Variants in CDH18 observed in about 807,000 individuals in gnomAD.
The protein encoded by CDH18 is cadherin-18.
Under a neutral mutation model 67.9 loss-of-function variants are expected in CDH18, and 31 were observed. The observed-to-expected ratio is 0.46, with a 90% confidence interval of 0.34 to 0.62. The LOEUF is 0.62. Ranked by LOEUF, CDH18 falls within the 20% of genes least tolerant of loss-of-function variation. The probability of loss-of-function intolerance (pLI) is 0.01; values close to 1 mark genes in which losing one functional copy is unlikely to be tolerated. For synonymous variants in CDH18, 362 were observed against 347.2 expected (o/e 1.04, Z -0.48); for missense variants, 890 against 975.5 (o/e 0.91, Z 1.17).
At chr5:19,998,532 G>T (rs962832672) in intron 2 of CDH18, among the ~76,000 whole-genome samples, 9 of 152,044 alleles carry the variant, frequency 5.9e-5, no homozygotes, top group South Asian at 4.1e-4. Context: ...TTGTCCTGTT[G>T]GTTGTTTCAT....
chr5:20,118,792 G>A (rs1240094198), intron 2 of CDH18, among the ~76,000 whole-genome samples: 3 of 152,102 alleles, frequency 2.0e-5, no homozygotes, highest in Non-Finnish European at 4.4e-5. Context: ...GCAAATGTCT[G>A]TACAATCCCA....
intron 2 of CDH18, among the ~76,000 whole-genome samples, chr5:20,239,646 C>T (rs1191218674): frequency 6.6e-6 from 1 of 152,052 alleles, no homozygotes; most frequent in African/African-American, 2.4e-5. Flanking sequence ...ATATTTATTT[C>T]AAATTGCATC....
At chr5:20,119,677 C>A (rs1019843268) in intron 2 of CDH18, among the ~76,000 whole-genome samples, 1 of 152,116 alleles carries the variant, frequency 6.6e-6, no homozygotes, top group African/African-American at 2.4e-5. Flanking sequence ...CACATTAATT[C>A]TTTCATTAAA....
intron 2 of CDH18, among the ~76,000 whole-genome samples, chr5:20,250,282 T>A (rs1044287432): frequency 3.5e-4 from 40 of 112,950 alleles, no homozygotes; most frequent in African/African-American, 1.5e-3. Flanking sequence ...CAATTTTATT[T>A]TTTTTTTTAT....
At chr5:20,481,574 T>G (rs965159614) in intron 1 of CDH18, among the ~76,000 whole-genome samples, 25 of 151,948 alleles carry the variant, frequency 1.6e-4, no homozygotes, top group African/African-American at 5.6e-4. Flanking sequence ...GTAACAGTTT[T>G]CAAAAAATTT....
chr5:20,434,778 A>G lies in CDH18; in HGVS notation c.-580+140684T>C, dbSNP rs374414682. On this transcript the variant is annotated intron_variant, in intron 1 of 14. Coordinates refer to the CDH18 transcript ENST00000507958. ...AATAAGGACAAGTTTCATTTAATAAATAAACTAAAAAGGGTGTCAGTGTTT... is the reference window on the plus strand; with the variant it reads ...AATAAGGACAAGTTTCATTTAATAAGTAAACTAAAAAGGGTGTCAGTGTTT... 3.5e-4 allele frequency among the ~76,000 whole-genome samples: 54 copies of G among 152,160 alleles called. No individual in the cohort carries two copies. The East Asian group carries it at 6.8e-3, about 19-fold the overall frequency.
intron 1 of CDH18, among the ~76,000 whole-genome samples, chr5:20,315,280 G>A (rs4132106): frequency 0.038 from 5,700 of 151,914 alleles, 266 homozygotes; most frequent in African/African-American, 0.11. Flanking sequence ...AATCCATACA[G>A]TGCTACTCTT....
rs914279374 is a variant in CDH18 at position 20,078,705 on chromosome 5, C to A, written c.-517-86691G>T. On this transcript the variant is annotated intron_variant, in intron 2 of 14. Coordinates refer to the CDH18 transcript ENST00000507958. ...GCAATCCCCGCCTCCTGGGTTCAAG[C>A]GATTTTCCTGCCTCAGCCTCTCAAG... is the stretch of plus-strand genomic sequence containing the variant. Among the ~76,000 whole-genome samples, 7 of 151,804 alleles carry A rather than the reference C, an allele frequency of 4.6e-5. No individual in the cohort carries two copies. The East Asian group carries it at 9.9e-4, about 22-fold the overall frequency.
chr5:19,605,709 G>C (rs1747930717), intron 6 of CDH18, among the ~76,000 whole-genome samples: 1 of 152,022 alleles, frequency 6.6e-6, no homozygotes, highest in Non-Finnish European at 1.5e-5. Context: ...TATGATTCTT[G>C]AGAGAAAGAA....
intron 1 of CDH18, among the ~76,000 whole-genome samples, chr5:20,271,559 CGT>C (rs1745435267): frequency 6.6e-6 from 1 of 151,862 alleles, no homozygotes. Flanking sequence ...ACAATGATTA[CGT>C]GTTAATTAAA....
rs112127055 is a variant in CDH18, at chr5:19,936,253, C to T, written c.-257+44807G>A. Among the ~76,000 whole-genome samples the T allele has an allele frequency of 3.1e-3, 471 of 151,192 alleles. 8 individuals are homozygous for T. The highest frequency in any genetic ancestry group is 9.1e-3 in the African/African-American group (379 of 41,424). On this transcript the variant is annotated intron_variant, in intron 2 of 12. Coordinates refer to ENST00000382275, the MANE Select transcript of CDH18 (RefSeq NM_004934.5). The stretch of plus-strand genomic sequence containing the variant: ...CCTTCGGTATAAAAAGTGCAACAGC[C>T]TGTTTTTGTTTTAGCTTAATTTTTC...
intron 4 of CDH18, among the ~76,000 whole-genome samples, chr5:19,741,740 C>A (rs551370068): frequency 3.3e-5 from 5 of 152,110 alleles, no homozygotes; most frequent in African/African-American, 7.2e-5. Flanking sequence ...ATTTTTAATT[C>A]TTTATATTGC....
At chr5:20,133,020 T>G (rs567428171) in intron 2 of CDH18, among the ~76,000 whole-genome samples, 1 of 152,280 alleles carries the variant, frequency 6.6e-6, no homozygotes, top group African/African-American at 2.4e-5. Flanking sequence ...AAGAGTTCTC[T>G]CTTCTTCGAG....
intron 8 of CDH18, among the ~76,000 whole-genome samples, chr5:19,560,482 T>C (rs993067983): frequency 3.3e-5 from 5 of 152,034 alleles, no homozygotes; most frequent in African/African-American, 1.2e-4. Flanking sequence ...AACTGGATCC[T>C]CATTTCTCAC....
chr5:20,114,044 G>T (rs1262617577), intron 2 of CDH18, among the ~76,000 whole-genome samples: 1 of 152,108 alleles, frequency 6.6e-6, no homozygotes, highest in Non-Finnish European at 1.5e-5. Context: ...TGTTTTGGGG[G>T]TTTTCCTGTT....
At chr5:19,539,290 A>C (rs959997247) in intron 9 of CDH18, among the ~76,000 whole-genome samples, 3 of 152,198 alleles carry the variant, frequency 2.0e-5, no homozygotes, top group Non-Finnish European at 4.4e-5. Context: ...ATAGATATAG[A>C]TTAACTCAAA....
intron 3 of CDH18, among the ~76,000 whole-genome samples, chr5:19,834,394 T>C (rs114063980): frequency 1.6e-3 from 236 of 152,116 alleles, no homozygotes; most frequent in African/African-American, 5.5e-3. Context: ...TTTTTTATTA[T>C]ATCTATTTGA....
At chr5:20,247,009 C>G (rs1743431437) in intron 2 of CDH18, among the ~76,000 whole-genome samples, 1 of 152,176 alleles carries the variant, frequency 6.6e-6, no homozygotes, top group Non-Finnish European at 1.5e-5. Flanking sequence ...CAGCTCACCC[C>G]TGATATCCTT....
intron 4 of CDH18, among the ~76,000 whole-genome samples, chr5:19,721,890 T>C (rs911992491): frequency 2.0e-5 from 3 of 152,198 alleles, no homozygotes; most frequent in Non-Finnish European, 4.4e-5. Flanking sequence ...GGTGGAATGA[T>C]TTGTGATTAA....
Sources: allele counts gnomAD v4.1 joint callset (sites outside exome capture counted in the v4.1 genomes callset), GRCh38; gene constraint gnomAD v4.1.1; transcripts MANE v1.5; gene names NCBI Gene and HGNC (gene_info 2026-07-23, HGNC 2026-07-21).